SHANK2: variants seen among roughly 807,000 people sequenced by gnomAD.
SHANK2 encodes the protein SH3 and multiple ankyrin repeat domains 2.
SHANK2 carries 43 observed loss-of-function variants against 133.7 expected under a neutral mutation model. That is an observed-to-expected ratio of 0.32 (90% CI 0.25 to 0.41). The LOEUF (loss-of-function observed/expected upper bound fraction) is 0.41, where lower values mean the gene tolerates loss of function less well. Ranked by LOEUF, SHANK2 falls within the 10% of genes least tolerant of loss-of-function variation. The pLI is 1.00. For missense variants in SHANK2, 1,994 were observed against 2,235.8 expected (o/e 0.89, Z 2.18); for synonymous variants, 1,017 against 952.8 (o/e 1.07, Z -1.24).
At chr11:71,085,626 T>TTA (rs1484882314) in intron 8 of SHANK2, among the ~76,000 whole-genome samples, 92 of 68,074 alleles carry the variant, frequency 1.4e-3, no homozygotes, top group African/African-American at 4.9e-3. Flanking sequence ...ATATTATATA[T>TTA]TATAATATAT....
At chr11:70,787,928 C>T (rs1947705075) in intron 14 of SHANK2, among the ~76,000 whole-genome samples, 1 of 152,188 alleles carries the variant, frequency 6.6e-6, no homozygotes, top group African/African-American at 2.4e-5. Context: ...ACTGCATGCC[C>T]CCCTCCCAAG....
At chr11:70,645,009 T>C (rs2061240916) in intron 17 of SHANK2, among the ~76,000 whole-genome samples, 1 of 151,934 alleles carries the variant, frequency 6.6e-6, no homozygotes, top group South Asian at 2.1e-4. Flanking sequence ...ATCACCTGAG[T>C]TCAGGAGTTC....
intron 11 of SHANK2, among the ~76,000 whole-genome samples, chr11:70,823,293 T>G (rs1424464283): frequency 2.1e-4 from 11 of 51,670 alleles, no homozygotes; most frequent in South Asian, 1.7e-3. Context: ...GCTGGCAGAG[T>G]TCATGGGGGA....
chr11:70,581,748 G>T (rs1398935294), intron 17 of SHANK2, among the ~76,000 whole-genome samples: 1 of 152,186 alleles, frequency 6.6e-6, no homozygotes, highest in African/African-American at 2.4e-5. Flanking sequence ...TGAAGTTGGG[G>T]CCTGGTGCAC....
rs71049965 is a variant in SHANK2 at position 71,234,183 on chromosome 11, TAAAAAAAA to T, written c.-112-9395_-112-9388del. ...CAACATAGTGAAACTCCCTCTCTAC[TAAAAAAAA>T]AAAAAAAAAAAAAAAAAAATATCAG... On this transcript the variant is annotated intron_variant, in intron 1 of 25. Transcript: ENST00000601538. Among the ~76,000 whole-genome samples, 162 of 35,480 alleles carry T rather than the reference TAAAAAAAA, an allele frequency of 4.6e-3. 2 individuals carry two copies. The highest frequency in any genetic ancestry group is 0.021 in the African/African-American group (156 of 7,458). 23.3% of individuals were successfully genotyped at this position (35,480 alleles called of 152,430 possible).
At chr11:71,180,769 G>A (rs1297383264) in intron 2 of SHANK2, among the ~76,000 whole-genome samples, 1 of 152,026 alleles carries the variant, frequency 6.6e-6, no homozygotes, top group African/African-American at 2.4e-5. Flanking sequence ...AAGTGCTGAA[G>A]CTACAACCCA....
intron 17 of SHANK2, among the ~76,000 whole-genome samples, chr11:70,617,194 ATG>A (rs1428571999): frequency 2.0e-5 from 3 of 149,436 alleles, no homozygotes; most frequent in Middle Eastern, 3.5e-3. Context: ...GTGTCTATGA[ATG>A]TGTGAGTGTG....
At chr11:70,662,362 C>A (rs1473153041) in intron 15 of SHANK2, among the ~76,000 whole-genome samples, 2 of 151,978 alleles carry the variant, frequency 1.3e-5, no homozygotes, top group Non-Finnish European at 2.9e-5. Context: ...ACAGTGCGCC[C>A]GGCGGCTGCC....
intron 12 of SHANK2, among the ~76,000 whole-genome samples, chr11:70,810,489 A>G (rs910324638): frequency 6.6e-6 from 1 of 152,184 alleles, no homozygotes; most frequent in Non-Finnish European, 1.5e-5. Flanking sequence ...CAAGGAGAAT[A>G]CAGCACCCCA....
rs1413173588 is a variant in SHANK2 at position 71,226,059 on chromosome 11, T to C, written c.-112-1263A>G. On this transcript the variant is annotated intron_variant, in intron 1 of 25. Coordinates refer to ENST00000601538, the MANE Select transcript of SHANK2 (RefSeq NM_012309.5). ...ATCACCTGGACCCAGGAGGTAGAGG[T>C]TGCAGTGAGCTGAGATCATGCCATG... Among the ~76,000 whole-genome samples the C allele has an allele frequency of 2.6e-5, 4 of 151,794 alleles. No homozygotes were observed. In the South Asian group the frequency reaches 6.3e-4, roughly 24 times the overall value.
At chr11:71,171,085 T>C (rs1555112080) in intron 2 of SHANK2, among the ~76,000 whole-genome samples, 1 of 152,224 alleles carries the variant, frequency 6.6e-6, no homozygotes, top group Non-Finnish European at 1.5e-5. Flanking sequence ...CACGGCCTCG[T>C]CTTTTTGCAC....
intron 17 of SHANK2, among the ~76,000 whole-genome samples, chr11:70,503,813 G>A (rs1274011300): frequency 2.6e-5 from 4 of 152,186 alleles, no homozygotes; most frequent in African/African-American, 7.2e-5. Context: ...CCAGCCCCAC[G>A]CTACTCCCAG....
chr11:71,084,043 C>T (rs964053196), intron 8 of SHANK2, among the ~76,000 whole-genome samples: 5 of 151,598 alleles, frequency 3.3e-5, no homozygotes, highest in Non-Finnish European at 5.9e-5. Flanking sequence ...AGTCTCAGCT[C>T]GCTGCAAGCT....
At chr11:71,224,476 G>C (rs1954608441) in intron 2 of SHANK2, among the ~76,000 whole-genome samples, 1 of 152,318 alleles carries the variant, frequency 6.6e-6, no homozygotes, top group East Asian at 1.9e-4. Context: ...AGTAGCCAGA[G>C]GCATAGTCCC....
intron 17 of SHANK2, among the ~76,000 whole-genome samples, chr11:70,543,029 G>A (rs1385287259): frequency 6.6e-6 from 1 of 152,180 alleles, no homozygotes; most frequent in East Asian, 1.9e-4. Context: ...GGCATGCGCT[G>A]GGTGAGGAGG....
rs561379195 is a variant in SHANK2, at chr11:70,812,003, C to T, written c.1494-4832G>A. On this transcript the variant is annotated intron_variant, in intron 12 of 25. Coordinates refer to ENST00000601538, the MANE Select transcript of SHANK2 (RefSeq NM_012309.5). ...AGCCTCAACCTCCCCATCAAAAAAGCGGATGATCAGGAGTAACTGTGATAA... is the reference window on the plus strand; with the variant it reads ...AGCCTCAACCTCCCCATCAAAAAAGTGGATGATCAGGAGTAACTGTGATAA... Among the ~76,000 whole-genome samples the T allele has an allele frequency of 1.5e-3, 223 of 152,324 alleles. 3 individuals are homozygous for T. The highest frequency in any genetic ancestry group is 4.9e-3 in the African/African-American group (203 of 41,576).
intron 11 of SHANK2, among the ~76,000 whole-genome samples, chr11:70,825,910 T>C (rs1211670323): frequency 6.6e-6 from 1 of 152,222 alleles, no homozygotes; most frequent in African/African-American, 2.4e-5. Context: ...CTTACATGCA[T>C]TTATTTATAC....
At chr11:70,850,651 T>C (rs1208713633) in intron 11 of SHANK2, among the ~76,000 whole-genome samples, 1 of 152,100 alleles carries the variant, frequency 6.6e-6, no homozygotes, top group Admixed American at 6.5e-5. Flanking sequence ...GGGCCTCGAG[T>C]CACTGTGCCT....
chr11:70,891,319 A>G (rs567267907), intron 11 of SHANK2, among the ~76,000 whole-genome samples: 2 of 152,130 alleles, frequency 1.3e-5, no homozygotes, highest in East Asian at 3.9e-4. Context: ...TCAAGACCAC[A>G]GCGAAACCCC....
Sources: gnomAD v4.1 joint callset for allele counts (sites outside exome capture counted in the v4.1 genomes callset) on GRCh38, gnomAD v4.1.1 for gene constraint, MANE v1.5 for transcripts, NCBI Gene and HGNC (gene_info 2026-07-23, HGNC 2026-07-21) for gene names.